The following KCNH8 variants were observed in gnomAD, a reference collection of about 807,000 sequenced individuals.
The protein encoded by KCNH8 is voltage-gated delayed rectifier potassium channel KCNH8.
KCNH8 carries 70 observed loss-of-function variants against 103.6 expected under a neutral mutation model. That is an observed-to-expected ratio of 0.68 (90% CI 0.56 to 0.82). The LOEUF is 0.82. Ranked by LOEUF, KCNH8 falls within the 40% of genes least tolerant of loss-of-function variation. The pLI is 0.00. For synonymous variants in KCNH8, 498 were observed against 489.4 expected (o/e 1.02, Z -0.23); for missense variants, 1,217 against 1,329.9 (o/e 0.92, Z 1.32).
chr3:19,410,037 T>C (rs891597796), intron 7 of KCNH8, among the ~76,000 whole-genome samples: 3 of 152,068 alleles, frequency 2.0e-5, no homozygotes, highest in African/African-American at 7.2e-5. Context: ...TAAACATCTA[T>C]AGAATACTCC....
At chr3:19,524,072 A>G (rs1282278710) in intron 15 of KCNH8, among the ~76,000 whole-genome samples, 2 of 151,902 alleles carry the variant, frequency 1.3e-5, no homozygotes, top group African/African-American at 2.4e-5. Context: ...AAGAAACAGG[A>G]TACTACTAAT....
chr3:19,442,948 G>A (rs892265678), intron 8 of KCNH8, among the ~76,000 whole-genome samples: 1 of 151,962 alleles, frequency 6.6e-6, no homozygotes, highest in Non-Finnish European at 1.5e-5. Flanking sequence ...TAAGGCAGAA[G>A]AGATTTAGTG....
At chr3:19,499,655 T>C (rs1575145539) in intron 11 of KCNH8, among the ~76,000 whole-genome samples, 3 of 152,284 alleles carry the variant, frequency 2.0e-5, no homozygotes, top group African/African-American at 7.2e-5. Flanking sequence ...AGGAAAAGAA[T>C]TTTCAACCCA....
intron 12 of KCNH8, among the ~76,000 whole-genome samples, chr3:19,511,248 G>T (rs2068778781): frequency 6.6e-6 from 1 of 151,746 alleles, no homozygotes; most frequent in Non-Finnish European, 1.5e-5. Flanking sequence ...GTGGTGTTTG[G>T]TTTTCTGATT....
Position 19,513,021 on chromosome 3 carries a change from G to A in KCNH8, c.2131G>A (p.Glu711Lys). The change falls in exon 13 of 16, where the codon GAA (glutamate) becomes AAA (lysine). Residue 711 changes from glutamate to lysine, a missense_variant. Glu to Lys is a moderately conservative substitution (Grantham distance 56). Around this residue, in one of 3 missense-constraint regions of KCNH8, gnomAD observed 558 missense variants for 495.8 expected, o/e 1.13. Transcript: ENST00000328405. The stretch of plus-strand genomic sequence containing the variant: ...CAACAAGCGACTCCCATCCATTGTG[G>A]AAGATGAGGAAGAGGAGGAGGAGGG... ...NINKRLPSIV[E>K]DEEEEEEGEE... 1.2e-6 allele frequency: 2 copies of A among 1,613,692 alleles called. No homozygotes were observed. The highest frequency in any genetic ancestry group is 1.1e-5 in the South Asian group (1 of 91,066).
Position 19,388,065 on chromosome 3 carries a change from T to C in KCNH8, c.812-2416T>C, listed in dbSNP as rs112391047. On this transcript the variant is annotated intron_variant, in intron 5 of 15. Transcript: ENST00000328405. ...TTCACTTCATTCATTCTTCCATTCA[T>C]GGGAGTGCTGCTGGAATGTATATGG... Among the ~76,000 whole-genome samples, 672 of 152,204 alleles carry C rather than the reference T, an allele frequency of 4.4e-3. 7 individuals are homozygous for C. Among genetic ancestry groups the C allele is most frequent in the African/African-American group, 0.016 (650 of 41,548 alleles).
intron 3 of KCNH8, among the ~76,000 whole-genome samples, chr3:19,310,972 A>G (rs1389627360): frequency 1.3e-5 from 2 of 151,790 alleles, no homozygotes; most frequent in East Asian, 3.9e-4. Flanking sequence ...TGATTGCTCT[A>G]CTGTGACTTT....
chr3:19,500,084 A>G (rs536769990), intron 11 of KCNH8, among the ~76,000 whole-genome samples: 44 of 152,290 alleles, frequency 2.9e-4, no homozygotes, highest in African/African-American at 9.6e-4. Context: ...AAATTAAAGG[A>G]CGGAGGAAGA....
intron 5 of KCNH8, among the ~76,000 whole-genome samples, chr3:19,377,571 T>C (rs1183502997): frequency 6.6e-6 from 1 of 152,210 alleles, no homozygotes; most frequent in East Asian, 1.9e-4. Flanking sequence ...TATACAGAGG[T>C]GACCTCAACG....
chr3:19,233,559 C>T lies in KCNH8; in HGVS notation c.77-20095C>T, dbSNP rs2064022056. ...GGAGCAAATAGATGTACAGCAGATC[C>T]TTGAATAATATTGTTTCATTCAAGT... On this transcript the variant is annotated intron_variant, in intron 1 of 15. Coordinates refer to ENST00000328405, the MANE Select transcript of KCNH8 (RefSeq NM_144633.3). Among the ~76,000 whole-genome samples the T allele has an allele frequency of 2.6e-5, 4 of 152,230 alleles. No individual in the cohort carries two copies. In the South Asian group the frequency reaches 8.3e-4, roughly 32 times the overall value.
rs1404494189 is a variant in KCNH8, at chr3:19,202,798, T to A, written c.77-50856T>A. On this transcript the variant is annotated intron_variant, in intron 1 of 15. Transcript: ENST00000328405. Reference sequence around the variant, plus strand: ...ATAACAGAGTAAAAAAAGAAATGTGTTTATTGAAATGTTAGGTACTAAATT... The same window carrying A: ...ATAACAGAGTAAAAAAAGAAATGTGATTATTGAAATGTTAGGTACTAAATT... Among the ~76,000 whole-genome samples, 3 of 152,160 alleles carry A rather than the reference T, an allele frequency of 2.0e-5. No individual in the cohort carries two copies. The East Asian group carries it at 5.8e-4, about 29-fold the overall frequency.
At chr3:19,412,178 C>T (rs2066790986) in intron 7 of KCNH8, among the ~76,000 whole-genome samples, 1 of 151,964 alleles carries the variant, frequency 6.6e-6, no homozygotes, top group Admixed American at 6.6e-5. Context: ...CATCATGATA[C>T]TGATATAAAA....
At chr3:19,296,584 A>G (rs1192607930) in intron 3 of KCNH8, among the ~76,000 whole-genome samples, 1 of 152,224 alleles carries the variant, frequency 6.6e-6, no homozygotes, top group Non-Finnish European at 1.5e-5. Context: ...CTAAAGTGTG[A>G]GGACTCTCTT....
At chr3:19,482,217 ATAACG>A (rs2068100735) in intron 11 of KCNH8, among the ~76,000 whole-genome samples, 1 of 152,206 alleles carries the variant, frequency 6.6e-6, no homozygotes, top group Non-Finnish European at 1.5e-5. Flanking sequence ...TAATCTATAG[ATAACG>A]TAACCCATTA....
chr3:19,381,092 ATTAG>A (rs2066282165), intron 5 of KCNH8, among the ~76,000 whole-genome samples: 1 of 152,208 alleles, frequency 6.6e-6, no homozygotes, highest in African/African-American at 2.4e-5. Flanking sequence ...AGTCAAATAT[ATTAG>A]TTATGTTTTG....
At chr3:19,244,477 A>G (rs900459452) in intron 1 of KCNH8, among the ~76,000 whole-genome samples, 1 of 152,084 alleles carries the variant, frequency 6.6e-6, no homozygotes, top group African/African-American at 2.4e-5. Context: ...TCCTTTGTGT[A>G]TATACCCAGT....
intron 5 of KCNH8, among the ~76,000 whole-genome samples, chr3:19,375,263 C>G (rs1574985240): frequency 6.6e-6 from 1 of 151,472 alleles, no homozygotes; most frequent in Non-Finnish European, 1.5e-5. Context: ...TAGATTTGGT[C>G]TTTTCACATA....
At chr3:19,471,367 G>A (rs1342073077) in intron 11 of KCNH8, among the ~76,000 whole-genome samples, 1 of 152,222 alleles carries the variant, frequency 6.6e-6, no homozygotes. Context: ...TTGGCAGGAA[G>A]AGGGGGATGT....
chr3:19,259,298 C>A lies in KCNH8; in HGVS notation c.310+5411C>A, dbSNP rs141173903. 1.1e-3 allele frequency among the ~76,000 whole-genome samples: 170 copies of A among 151,348 alleles called. No homozygotes were observed. The East Asian group carries it at 0.028, about 25-fold the overall frequency. On this transcript the variant is annotated intron_variant, in intron 2 of 15. Transcript: ENST00000328405. ...AATACAAAACCAGGATTACTAACTT[C>A]AAATAGAAGGCAAACATAAATAAAT...
Sources: gnomAD v4.1 joint callset for allele counts (sites outside exome capture counted in the v4.1 genomes callset) on GRCh38, gnomAD v4.1.1 for gene constraint, gnomAD v4.1.1 regional missense constraint, MANE v1.5 for transcripts, NCBI Gene and HGNC (gene_info 2026-07-23, HGNC 2026-07-21) for gene names.